The following SAP130 variants were observed in gnomAD, a reference collection of about 807,000 sequenced individuals.
The protein encoded by SAP130 is Sin3A associated protein 130.
Under a neutral mutation model 103.2 loss-of-function variants are expected in SAP130, and 16 were observed. The ratio of observed to expected loss-of-function variants is 0.16; its 90% CI spans 0.10 to 0.24. The LOEUF (loss-of-function observed/expected upper bound fraction) is 0.24. Ranked by LOEUF, SAP130 falls within the 10% of genes least tolerant of loss-of-function variation. SAP130 has a pLI of 1.00. For synonymous variants in SAP130, 477 were observed against 497.0 expected, an observed-to-expected ratio of 0.96 and a Z score of 0.53; for missense variants, 990 against 1,359.7, an observed-to-expected ratio of 0.73 and a Z score of 4.28.
At chr2:127,976,723 A>AACATGGTGAAACTCCGTCTC (rs1681484303) in intron 15 of SAP130, among the ~76,000 whole-genome samples, 1 of 152,208 alleles carries the variant, frequency 6.6e-6, no homozygotes, top group Non-Finnish European at 1.5e-5. Context: ...CATCCTGGCC[A>AACATGGTGAAACTCCGTCTC]ACATGGTGAA....
intron 18 of SAP130, among the ~76,000 whole-genome samples, chr2:127,948,896 C>T (rs1679307921): frequency 6.6e-6 from 1 of 152,000 alleles, no homozygotes; most frequent in Non-Finnish European, 1.5e-5. Context: ...TGCTACCAGG[C>T]AAATTCCTAA....
At chr2:127,964,728 T>G (rs943788766) in intron 15 of SAP130, among the ~76,000 whole-genome samples, 4 of 152,118 alleles carry the variant, frequency 2.6e-5, no homozygotes, top group African/African-American at 7.2e-5. Context: ...CTGGGCGTGG[T>G]GGCTCACGCC....
At chr2:127,954,012 T>C (rs1020413847) in intron 16 of SAP130, among the ~76,000 whole-genome samples, 1 of 152,196 alleles carries the variant, frequency 6.6e-6, no homozygotes, top group East Asian at 1.9e-4. Flanking sequence ...GAACAATTCC[T>C]GGAATAGACT....
chr2:128,026,335 C>T, intron 1 of SAP130, 37 bp from the exon 2 acceptor site: 2 of 1,421,872 alleles, frequency 1.4e-6, no homozygotes, highest in Non-Finnish European at 2.0e-6. Flanking sequence ...TTACTAGATT[C>T]TGAGATCTGA....
Position 127,989,492 on chromosome 2 carries a change from G to T in SAP130, c.1780+72C>A. The stretch of plus-strand genomic sequence containing the variant: ...AAATTATAAGACGACAAAGCCAGTG[G>T]CAGAGAAAGGATTTAAACCCAAATG... On this transcript the variant is annotated intron_variant, in intron 13 of 20. Coordinates refer to ENST00000643581, the MANE Select transcript of SAP130 (RefSeq NM_001330301.2). The surrounding 1 kb of genome is among the most constrained non-coding windows in gnomAD (Gnocchi z 4.6). 1 of 1,329,822 alleles carries T rather than the reference G, an allele frequency of 7.5e-7. No homozygotes were observed. The highest frequency in any genetic ancestry group is 1.0e-6 in the Non-Finnish European group (1 of 963,676). 82.4% of individuals were successfully genotyped at this position (1,329,822 alleles called of 1,614,324 possible).
chr2:127,987,285 A>C (rs1682471301), intron 13 of SAP130, among the ~76,000 whole-genome samples: 1 of 152,192 alleles, frequency 6.6e-6, no homozygotes, highest in Admixed American at 6.5e-5. Flanking sequence ...CCCAGGTTCA[A>C]GTGATTCTCC....
intron 12 of SAP130, among the ~76,000 whole-genome samples, chr2:127,992,346 T>C (rs111398932): frequency 0.016 from 2,404 of 150,098 alleles, 25 homozygotes; most frequent in East Asian, 0.03. Flanking sequence ...AGTGGCACAA[T>C]AGTGGCTCAC....
intron 7 of SAP130, among the ~76,000 whole-genome samples, chr2:128,009,064 T>C (rs575868679): frequency 6.6e-6 from 1 of 152,296 alleles, no homozygotes; most frequent in African/African-American, 2.4e-5. Context: ...CTGTTAGGTA[T>C]ACAGGCCAAC....
At chr2:127,972,896 G>A (rs1216550154) in intron 15 of SAP130, among the ~76,000 whole-genome samples, 2 of 152,154 alleles carry the variant, frequency 1.3e-5, no homozygotes, top group Non-Finnish European at 2.9e-5. Flanking sequence ...TCACGCCACT[G>A]CACTCCAGCC....
intron 3 of SAP130, 37 bp downstream of exon 3, chr2:128,017,643 C>G: frequency 1.3e-6 from 2 of 1,544,724 alleles, no homozygotes; most frequent in Non-Finnish European, 1.8e-6. Context: ...CAGTCTCGAG[C>G]TCTGGTTCAG....
chr2:128,020,989 C>CA (rs377233540), intron 2 of SAP130, among the ~76,000 whole-genome samples: 37 of 149,892 alleles, frequency 2.5e-4, no homozygotes, highest in South Asian at 4.2e-4. Context: ...GACTCTGTCT[C>CA]AAAAAAAAAG....
At chr2:127,961,749 TGGACGAACCACTTG>T (rs1245007193) in intron 15 of SAP130, among the ~76,000 whole-genome samples, 20 of 152,270 alleles carry the variant, frequency 1.3e-4, no homozygotes, top group South Asian at 4.1e-4. Context: ...CCAGCCACAG[TGGACGAACCACTTG>T]CTGTCAGAGC....
At chr2:128,012,984 GA>G (rs1684511003) in intron 6 of SAP130, 45 bp downstream of exon 6, 1 of 1,556,792 alleles carries the variant, frequency 6.4e-7, no homozygotes, top group East Asian at 2.3e-5. Context: ...CTGGCAGAAT[GA>G]ATAACTCCAA....
chr2:128,025,480 C>T (rs750542339), intron 2 of SAP130, among the ~76,000 whole-genome samples: 9 of 152,132 alleles, frequency 5.9e-5, no homozygotes, highest in Non-Finnish European at 8.8e-5. Context: ...CATGGGTTCC[C>T]TGATGTGAAT....
In SAP130 at chr2:127,942,390, G is replaced by A. The variant is rs1678772362; in HGVS notation, c.3015+34C>T. ...GCTTTACAGAAAGCAACTTCATAAAGTAGATGATCAGAAGGGAAGGGGCGC... is the reference window on the plus strand; with the variant it reads ...GCTTTACAGAAAGCAACTTCATAAAATAGATGATCAGAAGGGAAGGGGCGC... On this transcript the variant is annotated intron_variant, in intron 20 of 20. Coordinates refer to ENST00000643581, the MANE Select transcript of SAP130 (RefSeq NM_001330301.2). The surrounding 1 kb of genome is among the most constrained non-coding windows in gnomAD (Gnocchi z 4.8). 2 of 1,442,504 alleles carry A rather than the reference G, an allele frequency of 1.4e-6. No homozygotes were observed. Among genetic ancestry groups the A allele is most frequent in the African/African-American group, 1.4e-5 (1 of 71,482 alleles). 89.4% of individuals were successfully genotyped at this position (1,442,504 alleles called of 1,614,324 possible). A position where few individuals can be genotyped will look rare whatever the true frequency, so the allele number is the denominator to read the frequency against.
At chr2:127,945,662 T>G in intron 18 of SAP130, 103 bp from the exon 19 acceptor site, 1 of 720,636 alleles carries the variant, frequency 1.4e-6, no homozygotes, top group East Asian at 2.7e-5. Flanking sequence ...AGAATTTTAT[T>G]TTTTTTTTGA....
At chr2:127,946,126 C>T (rs1679059902) in intron 18 of SAP130, among the ~76,000 whole-genome samples, 1 of 152,110 alleles carries the variant, frequency 6.6e-6, no homozygotes, top group African/African-American at 2.4e-5. Flanking sequence ...ATCTCTAAGG[C>T]CCTGGTTCAA....
At chr2:127,981,274 C>A (rs1343904033) in intron 14 of SAP130, among the ~76,000 whole-genome samples, 1 of 151,712 alleles carries the variant, frequency 6.6e-6, no homozygotes, top group Admixed American at 6.6e-5. Flanking sequence ...GACACCTGTA[C>A]CCGACTCAGC....
At chr2:127,988,827 G>A (rs1682579901) in intron 13 of SAP130, among the ~76,000 whole-genome samples, 1 of 152,154 alleles carries the variant, frequency 6.6e-6, no homozygotes, top group Admixed American at 6.5e-5. Context: ...ACTCTAGCCT[G>A]GGTGACAGAG....
Sources: allele counts gnomAD v4.1 joint callset (sites outside exome capture counted in the v4.1 genomes callset), GRCh38; gene constraint gnomAD v4.1.1; non-coding constraint Gnocchi (gnomAD v3.1); transcripts MANE v1.5; gene names NCBI Gene and HGNC (gene_info 2026-07-23, HGNC 2026-07-21).